Variants in FBXL17 observed in about 807,000 individuals in gnomAD.
The protein encoded by FBXL17 is F-box and leucine rich repeat protein 17, also known as F-box/LRR-repeat protein 17.
FBXL17 carries 22 observed loss-of-function variants against 66.2 expected under a neutral mutation model. The ratio of observed to expected loss-of-function variants is 0.33; its 90% CI spans 0.24 to 0.47. FBXL17 has a LOEUF of 0.47. Ranked by LOEUF, FBXL17 falls within the 20% of genes least tolerant of loss-of-function variation. The probability of loss-of-function intolerance (pLI) is 1.00; values close to 1 mark genes in which losing one functional copy is unlikely to be tolerated. For synonymous variants in FBXL17, 474 were observed against 400.5 expected (o/e 1.18, Z -2.19); for missense variants, 878 against 948.2 (o/e 0.93, Z 0.97).
intron 7 of FBXL17, among the ~76,000 whole-genome samples, chr5:107,907,089 T>C (rs1749785816): frequency 6.6e-6 from 1 of 152,180 alleles, no homozygotes; most frequent in South Asian, 2.1e-4. Flanking sequence ...CATTGATGAA[T>C]GGAGCAAAAT....
intron 6 of FBXL17, among the ~76,000 whole-genome samples, chr5:108,138,729 T>C (rs457378): frequency 0.21 from 31,642 of 152,114 alleles, 3,594 homozygotes; most frequent in South Asian, 0.43. Flanking sequence ...CAGGGAGACA[T>C]TGGAAATACA....
intron 7 of FBXL17, among the ~76,000 whole-genome samples, chr5:107,913,818 C>T (rs968274651): frequency 6.6e-6 from 1 of 152,042 alleles, no homozygotes; most frequent in African/African-American, 2.4e-5. Flanking sequence ...GGTGAAAAGT[C>T]AAATCCAAAT....
intron 6 of FBXL17, among the ~76,000 whole-genome samples, chr5:108,049,604 G>C (rs1268010602): frequency 6.6e-6 from 1 of 152,062 alleles, no homozygotes; most frequent in Non-Finnish European, 1.5e-5. Flanking sequence ...ATATGGAAAG[G>C]AAAAACTGGT....
chr5:108,294,357 A>G (rs1319362277), intron 4 of FBXL17, among the ~76,000 whole-genome samples: 4 of 150,812 alleles, frequency 2.7e-5, no homozygotes, highest in South Asian at 4.2e-4. Context: ...AAAAAGGATG[A>G]ATTCTTCTTA....
intron 5 of FBXL17, among the ~76,000 whole-genome samples, chr5:108,201,449 A>G (rs918641144): frequency 5.9e-5 from 9 of 152,164 alleles, no homozygotes; most frequent in African/African-American, 2.2e-4. Context: ...TAGTTTAATT[A>G]ATTAAAAATA....
At chr5:108,030,788 A>G (rs1407928656) in intron 6 of FBXL17, among the ~76,000 whole-genome samples, 1 of 152,146 alleles carries the variant, frequency 6.6e-6, no homozygotes. Flanking sequence ...GGAATAAGGA[A>G]GGGGAGCAAT....
intron 7 of FBXL17, among the ~76,000 whole-genome samples, chr5:107,894,702 G>T (rs1441972908): frequency 6.6e-6 from 1 of 152,020 alleles, no homozygotes. Context: ...ATACATGTGT[G>T]AGATTTATAC....
In FBXL17 at chr5:108,381,875, G is replaced by T. The variant is rs1749990201; in HGVS notation, c.-184C>A. ...GGTGGGCGTCAGCTGCGGGCCGCCGGAGTGCCCGACGGGGGCTACATGCTT... is the reference window on the plus strand; with the variant it reads ...GGTGGGCGTCAGCTGCGGGCCGCCGTAGTGCCCGACGGGGGCTACATGCTT... On this transcript the variant is annotated 5_prime_UTR_variant, in exon 1 of 9. Coordinates refer to ENST00000542267, the MANE Select transcript of FBXL17 (RefSeq NM_001163315.3). 1 of 1,294,560 alleles carries T rather than the reference G, an allele frequency of 7.7e-7. No homozygotes were observed. The highest frequency in any genetic ancestry group is 9.8e-7 in the Non-Finnish European group (1 of 1,021,910). 80.2% of individuals were successfully genotyped at this position (1,294,560 alleles called of 1,614,324 possible).
At chr5:108,004,148 G>T (rs1424246536) in intron 7 of FBXL17, among the ~76,000 whole-genome samples, 1 of 152,060 alleles carries the variant, frequency 6.6e-6, no homozygotes, top group African/African-American at 2.4e-5. Context: ...AGAAGACAGT[G>T]GGATAATATC....
chr5:108,243,905 A>G (rs1295413517), intron 4 of FBXL17, among the ~76,000 whole-genome samples: 3 of 152,202 alleles, frequency 2.0e-5, no homozygotes, highest in Admixed American at 6.5e-5. Flanking sequence ...CAGAAGGGTA[A>G]CATATAAAGA....
At chr5:107,927,473 C>T (rs1750562091) in intron 7 of FBXL17, among the ~76,000 whole-genome samples, 2 of 152,004 alleles carry the variant, frequency 1.3e-5, no homozygotes, top group African/African-American at 4.8e-5. Flanking sequence ...CCTATGTGCT[C>T]AATAGCTAGG....
intron 5 of FBXL17, among the ~76,000 whole-genome samples, chr5:108,214,962 A>T (rs894355012): frequency 6.6e-5 from 10 of 152,200 alleles, no homozygotes; most frequent in African/African-American, 2.2e-4. Flanking sequence ...TCATATAGAA[A>T]AATAGCCTTT....
chr5:108,370,492 C>A (rs1283104933), intron 1 of FBXL17, among the ~76,000 whole-genome samples: 1 of 152,116 alleles, frequency 6.6e-6, no homozygotes, highest in Non-Finnish European at 1.5e-5. Flanking sequence ...TGCCTGTAAT[C>A]CCAACACTTT....
At chr5:108,040,056 A>C (rs1275134017) in intron 6 of FBXL17, among the ~76,000 whole-genome samples, 1 of 152,176 alleles carries the variant, frequency 6.6e-6, no homozygotes, top group Non-Finnish European at 1.5e-5. Context: ...ATAAAAACTA[A>C]ATATTTGGGT....
chr5:108,143,555 A>G (rs551375732), intron 6 of FBXL17, among the ~76,000 whole-genome samples: 6 of 152,042 alleles, frequency 3.9e-5, no homozygotes, highest in African/African-American at 1.4e-4. Context: ...CTTTACCAAC[A>G]TCTGCAGCTA....
intron 5 of FBXL17, among the ~76,000 whole-genome samples, chr5:108,219,056 T>C (rs980506581): frequency 7.9e-5 from 12 of 152,228 alleles, no homozygotes; most frequent in African/African-American, 2.9e-4. Flanking sequence ...TCCAAACTTT[T>C]GTTTACAATT....
intron 4 of FBXL17, among the ~76,000 whole-genome samples, chr5:108,311,647 C>A (rs1381358691): frequency 6.6e-6 from 1 of 152,078 alleles, no homozygotes; most frequent in Non-Finnish European, 1.5e-5. Context: ...CTTTTTATTT[C>A]ATCTCCACAT....
chr5:108,069,168 A>G (rs1033613553), intron 6 of FBXL17, among the ~76,000 whole-genome samples: 5 of 152,218 alleles, frequency 3.3e-5, no homozygotes, highest in South Asian at 2.1e-4. Context: ...AGGAGAAATA[A>G]GAAAAACTAC....
At chr5:107,921,519 A>G (rs185522939) in intron 7 of FBXL17, among the ~76,000 whole-genome samples, 1 of 152,340 alleles carries the variant, frequency 6.6e-6, no homozygotes, top group Non-Finnish European at 1.5e-5. Flanking sequence ...AGATGGTGGC[A>G]TGGCATAGAG....
Sources: allele counts gnomAD v4.1 joint callset (sites outside exome capture counted in the v4.1 genomes callset), GRCh38; gene constraint gnomAD v4.1.1; transcripts MANE v1.5; gene names NCBI Gene and HGNC (gene_info 2026-07-23, HGNC 2026-07-21).